Variants in MROH1 observed in about 807,000 individuals in gnomAD.
The protein encoded by MROH1 is maestro heat-like repeat-containing protein family member 1.
In MROH1, 117 loss-of-function variants were observed where a neutral mutation model predicts 116.5. The observed-to-expected ratio is 1.00, with a 90% confidence interval of 0.86 to 1.17. MROH1 has a LOEUF of 1.17. Among genes scored for constraint, MROH1 ranks in the 50% most tolerant of loss-of-function variants. The pLI is 0.00. For synonymous variants in MROH1, 921 were observed against 583.9 expected (o/e 1.58, Z -8.32); for missense variants, 1,873 against 1,338.5 (o/e 1.40, Z -6.23).
At position 144,173,812 on chromosome 8, in the gene MROH1, A is replaced by C. The variant is rs112524729; in HGVS notation, c.168+5372A>C. On this transcript the variant is annotated intron_variant, in intron 4 of 43. Coordinates refer to ENST00000326134, the MANE Select transcript of MROH1 (RefSeq NM_032450.3). ...CATGCTGGCGTGCCTCAACTTGCCT[A>C]CATTATAGCTTGTAACTGTGTTTGG... Among the ~76,000 whole-genome samples, 182 of 152,282 alleles carry C rather than the reference A, an allele frequency of 1.2e-3. 1 individual carries two copies. Among genetic ancestry groups the C allele is most frequent in the African/African-American group, 4.3e-3 (179 of 41,558 alleles).
At chr8:144,159,635 A>C (rs1406587375) in intron 1 of MROH1, among the ~76,000 whole-genome samples, 1 of 152,174 alleles carries the variant, frequency 6.6e-6, no homozygotes, top group Non-Finnish European at 1.5e-5. Context: ...TCTCAAACAT[A>C]TGAAATAGTT....
At chr8:144,214,506 A>G (rs1834847954) in intron 12 of MROH1, 1 of 152,212 alleles carries the variant, frequency 6.6e-6, no homozygotes, top group Non-Finnish European at 1.5e-5. Context: ...ACCCCGGTGC[A>G]TGTGAAATGT....
intron 1 of MROH1, among the ~76,000 whole-genome samples, chr8:144,157,989 CTTTTTTTTTTTT>C (rs1157662078): frequency 4.5e-5 from 4 of 88,866 alleles, no homozygotes; most frequent in Admixed American, 2.4e-4. Flanking sequence ...CTATTTCTTT[CTTTTTTTTTTTT>C]TTTTTTTTTG....
At chr8:144,194,729 A>G (rs887382343) in intron 10 of MROH1, among the ~76,000 whole-genome samples, 1 of 151,910 alleles carries the variant, frequency 6.6e-6, no homozygotes, top group Non-Finnish European at 1.5e-5. Context: ...CCTGGGCAAC[A>G]TAGGGAGACC....
At chr8:144,172,012 A>G (rs887735623) in intron 4 of MROH1, among the ~76,000 whole-genome samples, 2 of 152,256 alleles carry the variant, frequency 1.3e-5, no homozygotes, top group African/African-American at 4.8e-5. Context: ...CGTAAGTCTG[A>G]CAAAACAGAC....
intron 37 of MROH1, 22 bp from the exon 38 acceptor site, chr8:144,259,889 G>A (rs1280309782): frequency 9.6e-6 from 7 of 727,698 alleles, no homozygotes; most frequent in African/African-American, 8.7e-5. Context: ...GGAGAGGGAA[G>A]TCACAGCACC....
chr8:144,234,171 C>G (rs551631972), intron 14 of MROH1, among the ~76,000 whole-genome samples: 7 of 152,084 alleles, frequency 4.6e-5, no homozygotes, highest in Non-Finnish European at 8.8e-5. Context: ...AACCACGCCC[C>G]GCTAATTTTT....
chr8:144,236,098 G>T (rs1289553680), intron 14 of MROH1, among the ~76,000 whole-genome samples: 1 of 152,146 alleles, frequency 6.6e-6, no homozygotes, highest in Non-Finnish European at 1.5e-5. Context: ...ACATTATGTG[G>T]CTGCTGTGCC....
chr8:144,195,205 A>AAAAAAAAAAAAAAC (rs1829557873), intron 10 of MROH1, among the ~76,000 whole-genome samples: 1 of 133,622 alleles, frequency 7.5e-6, no homozygotes, highest in Non-Finnish European at 1.6e-5. Flanking sequence ...TAAAAAAAAA[A>AAAAAAAAAAAAAAC]AAAAAAAAAA....
Position 144,180,813 on chromosome 8 carries a change from A to G in MROH1, c.562+290A>G, listed in dbSNP as rs1825433845. Among the ~76,000 whole-genome samples the G allele has an allele frequency of 1.3e-5, 2 of 152,076 alleles. No homozygotes were observed. Among genetic ancestry groups the G allele is most frequent in the Non-Finnish European group, 2.9e-5 (2 of 67,982 alleles). ...GGTAGGAAGAGACTTCCTCGAAGCC[A>G]TGACTTTTTGTTTTCCTCCCCACTC... On this transcript the variant is annotated intron_variant, in intron 7 of 43. Coordinates refer to ENST00000326134, the MANE Select transcript of MROH1 (RefSeq NM_032450.3). The surrounding 1 kb of genome is among the most constrained non-coding windows in gnomAD (Gnocchi z 7.4).
chr8:144,204,134 A>G (rs7463242), intron 12 of MROH1, among the ~76,000 whole-genome samples: 62,270 of 152,074 alleles, frequency 0.41, 15,182 homozygotes, highest in East Asian at 0.72. Context: ...GTTTTGAGAC[A>G]GGGTCTCGTT....
At chr8:144,166,140 A>C (rs974850876) in intron 3 of MROH1, among the ~76,000 whole-genome samples, 2 of 152,140 alleles carry the variant, frequency 1.3e-5, no homozygotes, top group Non-Finnish European at 2.9e-5. Context: ...TGGTCTCCCA[A>C]AGTGCTAGGA....
chr8:144,239,460 C>T (rs1343309987), intron 17 of MROH1, 97 bp downstream of exon 17: 8 of 774,804 alleles, frequency 1.0e-5, no homozygotes, highest in Admixed American at 3.4e-5. Context: ...TGGGCAGCCG[C>T]GGTCAGGGCT....
At chr8:144,244,851 G>A (rs1841622599) in intron 28 of MROH1, among the ~76,000 whole-genome samples, 1 of 152,296 alleles carries the variant, frequency 6.6e-6, no homozygotes, top group African/African-American at 2.4e-5. Flanking sequence ...GGGTGGGGCC[G>A]ACCCCCATGC....
At chr8:144,183,938 C>T (rs549781873) in intron 7 of MROH1, among the ~76,000 whole-genome samples, 11 of 152,260 alleles carry the variant, frequency 7.2e-5, no homozygotes, top group East Asian at 3.9e-4. Context: ...TGGACCACCG[C>T]GCCTGGCCAG....
At chr8:144,213,100 C>G in intron 12 of MROH1, 1 of 776,354 alleles carries the variant, frequency 1.3e-6, no homozygotes, top group Non-Finnish European at 2.4e-6. Context: ...ATCTAACGGC[C>G]GCGCCCGCGT....
intron 21 of MROH1, 58 bp from the exon 22 acceptor site, chr8:144,241,333 TGTGC>T: frequency 2.8e-6 from 2 of 724,620 alleles, no homozygotes; most frequent in South Asian, 1.5e-5. Flanking sequence ...CACGTGACAG[TGTGC>T]GTGCATGTGT....
At chr8:144,243,981 G>C (rs1841438578) in intron 26 of MROH1, 39 bp downstream of exon 26, 1 of 770,382 alleles carries the variant, frequency 1.3e-6, no homozygotes, top group African/African-American at 1.7e-5. Flanking sequence ...GTGCAGCTGC[G>C]TGTGTGCGTG....
chr8:144,208,946 A>ACT (rs1159701157), intron 12 of MROH1, among the ~76,000 whole-genome samples: 4 of 148,182 alleles, frequency 2.7e-5, no homozygotes, highest in Non-Finnish European at 6.0e-5. Flanking sequence ...CTGGTCTTGA[A>ACT]CTCCTGATCT....
Sources: allele counts gnomAD v4.1 joint callset (sites outside exome capture counted in the v4.1 genomes callset), GRCh38; gene constraint gnomAD v4.1.1; non-coding constraint Gnocchi (gnomAD v3.1); transcripts MANE v1.5; gene names NCBI Gene and HGNC (gene_info 2026-07-23, HGNC 2026-07-21).